CAPS2: variants seen among roughly 807,000 people sequenced by gnomAD.
The protein encoded by CAPS2 is calcyphosin-2.
CAPS2 carries 98 observed loss-of-function variants against 86.5 expected under a neutral mutation model. That is an observed-to-expected ratio of 1.13 (90% CI 0.96 to 1.34). The LOEUF (loss-of-function observed/expected upper bound fraction) is 1.34, where lower values mean the gene tolerates loss of function less well. Among genes scored for constraint, CAPS2 ranks in the 40% most tolerant of loss-of-function variants. The pLI is 0.00. For missense variants in CAPS2, 729 were observed against 686.8 expected (o/e 1.06, Z -0.69); for synonymous variants, 210 against 225.1 (o/e 0.93, Z 0.60).
At chr12:75,329,990 G>T (rs540313940), upstream of CAPS2, 3 of 794,496 alleles carry the variant, frequency 3.8e-6, no homozygotes, top group East Asian at 5.8e-5. Context: ...AAACTAGCGC[G>T]ATTCCTCCAA....
intron 6 of CAPS2, among the ~76,000 whole-genome samples, chr12:75,314,929 A>G (rs975918201): frequency 1.3e-5 from 2 of 152,126 alleles, no homozygotes; most frequent in African/African-American, 4.8e-5. Context: ...AACACTACAA[A>G]ATGACAAAGG....
chr12:75,283,659 C>A (rs1305408809), intron 15 of CAPS2, among the ~76,000 whole-genome samples: 2 of 151,748 alleles, frequency 1.3e-5, no homozygotes, highest in African/African-American at 2.4e-5. Context: ...ACTAAAAATA[C>A]AAAAATTAGC....
At chr12:75,298,811 T>C (rs1406127005) in intron 10 of CAPS2, 31 bp from the exon 11 acceptor site, 2 of 1,601,698 alleles carry the variant, frequency 1.2e-6, no homozygotes, top group Non-Finnish European at 1.7e-6. Context: ...AAATGGAAAG[T>C]TATTTAGCTT....
chr12:75,307,725 T>C (rs1315928124), intron 7 of CAPS2, among the ~76,000 whole-genome samples: 1 of 151,880 alleles, frequency 6.6e-6, no homozygotes, highest in Non-Finnish European at 1.5e-5. Flanking sequence ...AGTAAATAAA[T>C]AGACAAAGTA....
chr12:75,320,480 T>A (rs988287002), intron 5 of CAPS2, among the ~76,000 whole-genome samples: 2 of 152,108 alleles, frequency 1.3e-5, no homozygotes, highest in Admixed American at 6.6e-5. Context: ...TGTTTATATT[T>A]GGGTCTGGAA....
intron 1 of CAPS2, among the ~76,000 whole-genome samples, chr12:75,389,053 G>A (rs1169047377): frequency 6.6e-6 from 1 of 152,144 alleles, no homozygotes; most frequent in East Asian, 1.9e-4. Context: ...GTGGCCTCAG[G>A]CAATTTGATT....
intron 7 of CAPS2, chr12:75,305,509 G>T: frequency 1.6e-6 from 1 of 609,606 alleles, no homozygotes; most frequent in East Asian, 3.6e-5. Flanking sequence ...CAGCTCCGAG[G>T]TGCATAGCAA....
intron 14 of CAPS2, among the ~76,000 whole-genome samples, chr12:75,286,184 C>T (rs1432122793): frequency 2.0e-5 from 3 of 151,868 alleles, no homozygotes; most frequent in East Asian, 3.9e-4. Context: ...TCTTCCACTC[C>T]CTCCTATTTT....
At chr12:75,328,293 A>G (rs1319622981), upstream of CAPS2, among the ~76,000 whole-genome samples, 2 of 152,206 alleles carry the variant, frequency 1.3e-5, no homozygotes, top group African/African-American at 4.8e-5. Flanking sequence ...GATTTTCTCC[A>G]CACATCAGTC....
intron 15 of CAPS2, among the ~76,000 whole-genome samples, chr12:75,282,568 G>A (rs565047083): frequency 6.6e-6 from 1 of 152,202 alleles, no homozygotes; most frequent in East Asian, 1.9e-4. Context: ...TGTATTTTTA[G>A]TAGAGGCGGG....
intron 1 of CAPS2, among the ~76,000 whole-genome samples, chr12:75,339,316 A>G (rs1156570923): frequency 1.3e-5 from 2 of 152,076 alleles, no homozygotes; most frequent in Admixed American, 1.3e-4. Flanking sequence ...GATGGTATCC[A>G]ATTGTGGTTT....
intron 11 of CAPS2, among the ~76,000 whole-genome samples, chr12:75,296,353 G>A (rs1374737079): frequency 6.6e-6 from 1 of 151,718 alleles, no homozygotes; most frequent in African/African-American, 2.4e-5. Context: ...GTGCAGAGGC[G>A]CAATCTCAGC....
At chr12:75,327,561 T>G (rs764980930), upstream of CAPS2, among the ~76,000 whole-genome samples, 1 of 152,000 alleles carries the variant, frequency 6.6e-6, no homozygotes, top group Non-Finnish European at 1.5e-5. Context: ...AATAGTAAAT[T>G]ATTTCTGTTT....
At chr12:75,289,703 A>G (rs1440820515) in exon 14 of CAPS2, 3 of 1,613,062 alleles carry the variant, frequency 1.9e-6, no homozygotes, top group Non-Finnish European at 1.7e-6. Context: ...TTCCTTGTCC[A>G]ACTGTTGAAA....
intron 1 of CAPS2, among the ~76,000 whole-genome samples, chr12:75,375,795 T>C (rs1336220272): frequency 1.3e-5 from 2 of 152,234 alleles, no homozygotes; most frequent in Non-Finnish European, 2.9e-5. Flanking sequence ...CTGTCCATTA[T>C]GGTAATTATG....
chr12:75,379,535 C>T (rs1389866839), intron 1 of CAPS2, among the ~76,000 whole-genome samples: 2 of 152,110 alleles, frequency 1.3e-5, no homozygotes, highest in African/African-American at 2.4e-5. Context: ...AAGTAACCCT[C>T]CTATTTCACT....
chr12:75,373,036 T>A (rs899808936), intron 1 of CAPS2, among the ~76,000 whole-genome samples: 1 of 152,162 alleles, frequency 6.6e-6, no homozygotes, highest in African/African-American at 2.4e-5. Flanking sequence ...TCCAATGTAA[T>A]CAACCTGCCA....
intron 1 of CAPS2, among the ~76,000 whole-genome samples, chr12:75,380,301 T>G (rs2044889820): frequency 6.6e-6 from 1 of 152,202 alleles, no homozygotes; most frequent in Non-Finnish European, 1.5e-5. Context: ...TAATTTGAAC[T>G]GTAATTAAAT....
intron 1 of CAPS2, among the ~76,000 whole-genome samples, chr12:75,336,845 T>C (rs967916466): frequency 6.6e-6 from 1 of 151,840 alleles, no homozygotes; most frequent in Non-Finnish European, 1.5e-5. Context: ...ATTCATTACA[T>C]TCATCAATAT....
Sources: gnomAD v4.1 joint callset for allele counts (sites outside exome capture counted in the v4.1 genomes callset) on GRCh38, gnomAD v4.1.1 for gene constraint, MANE v1.5 for transcripts, NCBI Gene and HGNC (gene_info 2026-07-23, HGNC 2026-07-21) for gene names.